Variants in ZNF462 observed in about 807,000 individuals in gnomAD.
ZNF462 encodes zinc finger PBX1-interacting protein.
A neutral mutation model predicts 201.9 loss-of-function variants in ZNF462; 10 were observed. The observed-to-expected ratio is 0.05, with a 90% CI of 0.03 to 0.08. ZNF462 has a LOEUF of 0.08. Ranked by LOEUF, ZNF462 falls within the 10% of genes least tolerant of loss-of-function variation. The pLI is 1.00. For synonymous variants in ZNF462, 1,227 were observed against 1,193.3 expected (o/e 1.03, Z -0.58); for missense variants, 2,523 against 3,168.3 (o/e 0.80, Z 4.89).
Position 106,968,288 on chromosome 9 carries a change from G to A in ZNF462, c.6428-3717G>A, listed in dbSNP as rs2131992674. On this transcript the variant is annotated intron_variant, in intron 7 of 12. Transcript: ENST00000277225. This position sits in a 1 kb window ranked among gnomAD's most constrained non-coding sequence, Gnocchi z 4.0. ...ATTAGACCGCACACCATAGTTGTGA[G>A]AATTAATTGCTGGCTTCTGAATAAA... 6.6e-6 allele frequency among the ~76,000 whole-genome samples: 1 copy of A among 152,198 alleles called. No individual in the cohort carries two copies. The highest frequency in any genetic ancestry group is 1.9e-4 in the East Asian group (1 of 5,188).
In ZNF462 at chr9:106,870,607, G is replaced by A. The variant is rs1827547060; in HGVS notation, c.-31+7252G>A. 6.6e-6 allele frequency among the ~76,000 whole-genome samples: 1 copy of A among 152,152 alleles called. No homozygotes were observed. The highest frequency in any genetic ancestry group is 2.4e-5 in the African/African-American group (1 of 41,430). ...CAAAGACCACACCAGGAAAAATGGA[G>A]AAAATTCTACTAGGAACCAATAGAT... On this transcript the variant is annotated intron_variant, in intron 1 of 12. Transcript: ENST00000277225. This position sits in a 1 kb window ranked among gnomAD's most constrained non-coding sequence, Gnocchi z 4.3.
chr9:106,935,295 T>C lies in ZNF462; in HGVS notation c.6117-208T>C, dbSNP rs1178153139. ...TATCTCTAAATCCAAAAAAAACTCT[T>C]GATCTCTTCCTTTAGCTTCCTGTCC... is the stretch of plus-strand genomic sequence containing the variant. On this transcript the variant is annotated intron_variant, in intron 5 of 12. Coordinates refer to ENST00000277225, the MANE Select transcript of ZNF462 (RefSeq NM_021224.6). The surrounding 1 kb of genome is among the most constrained non-coding windows in gnomAD (Gnocchi z 4.1). Among the ~76,000 whole-genome samples, 2 of 152,170 alleles carry C rather than the reference T, an allele frequency of 1.3e-5. No individual in the cohort carries two copies. Among genetic ancestry groups the C allele is most frequent in the African/African-American group, 4.8e-5 (2 of 41,442 alleles).
intron 11 of ZNF462, among the ~76,000 whole-genome samples, chr9:107,004,613 AT>A (rs1398345499): frequency 6.6e-6 from 1 of 152,162 alleles, no homozygotes; most frequent in Non-Finnish European, 1.5e-5. Context: ...TTTAATAAAA[AT>A]TGTATATATT....
intron 10 of ZNF462, among the ~76,000 whole-genome samples, chr9:106,991,438 A>G (rs1828261556): frequency 6.6e-6 from 1 of 152,020 alleles, no homozygotes; most frequent in African/African-American, 2.4e-5. Context: ...TTTATTAATT[A>G]GGAGACCCAA....
intron 10 of ZNF462, among the ~76,000 whole-genome samples, chr9:106,987,680 A>G (rs1226945649): frequency 6.6e-6 from 1 of 152,074 alleles, no homozygotes; most frequent in Non-Finnish European, 1.5e-5. Flanking sequence ...AGTCCCAACT[A>G]TTTATCTTTG....
chr9:106,998,757 G>A (rs983875488), intron 10 of ZNF462, among the ~76,000 whole-genome samples: 4 of 151,842 alleles, frequency 2.6e-5, no homozygotes, highest in Admixed American at 6.6e-5. Flanking sequence ...ACAGGTACCC[G>A]CCCACCACAC....
Position 106,929,899 on chromosome 9 carries a change from A to T in ZNF462, c.5847+140A>T. 7 of 742,848 alleles carry T rather than the reference A, an allele frequency of 9.4e-6. No homozygotes were observed. 46.0% of individuals were successfully genotyped at this position (742,848 alleles called of 1,614,324 possible). On this transcript the variant is annotated intron_variant, in intron 3 of 12. Transcript: ENST00000277225. The surrounding 1 kb of genome is among the most constrained non-coding windows in gnomAD (Gnocchi z 8.7). ...AGAGAGCTCAATAAGTCAATTAAAC[A>T]TTTCGAGCTTGATTATCTCCCATTC...
chr9:106,982,725 C>T (rs762610841), intron 9 of ZNF462, among the ~76,000 whole-genome samples: 6 of 152,126 alleles, frequency 3.9e-5, no homozygotes, highest in Non-Finnish European at 5.9e-5. Flanking sequence ...CTTCCTCTGC[C>T]CAGCATTTTG....
intron 10 of ZNF462, among the ~76,000 whole-genome samples, chr9:106,988,544 C>G (rs1438992805): frequency 1.3e-5 from 2 of 152,090 alleles, no homozygotes; most frequent in African/African-American, 4.8e-5. Flanking sequence ...TCCATTTGAA[C>G]TTTAGAATTG....
intron 10 of ZNF462, among the ~76,000 whole-genome samples, chr9:107,000,969 T>G (rs531410898): frequency 2.0e-5 from 3 of 152,168 alleles, no homozygotes; most frequent in Admixed American, 6.5e-5. Flanking sequence ...ATGAATGAAT[T>G]AAAACAACTG....
Position 106,925,908 on chromosome 9 carries a change from T to A in ZNF462, c.1996T>A (p.Ser666Thr). 6.2e-7 allele frequency: 1 copy of A among 1,614,164 alleles called. No homozygotes were observed. The highest frequency in any genetic ancestry group is 1.1e-5 in the South Asian group (1 of 91,078). ...AAGTCAGACCTCAATTCTTGGGTTG[T>A]CCTCCAAGAACAATTTTGTAGCTAA... ...KKSQTSILGLSSKNNFVAKAS... is the reference protein window; with the variant it reads ...KKSQTSILGLTSKNNFVAKAS... The change falls in exon 3 of 13, where the codon TCC (serine) becomes ACC (threonine). Residue 666 changes from serine (S) to threonine (T), a missense_variant. Ser to Thr is a moderately conservative substitution (Grantham distance 58). This residue lies in a region of ZNF462 where 383 missense variants were observed against 453.4 expected (regional missense o/e 0.84). Coordinates refer to ENST00000277225, the MANE Select transcript of ZNF462 (RefSeq NM_021224.6). This position sits in a 1 kb window ranked among gnomAD's most constrained non-coding sequence, Gnocchi z 7.9.
rs148844292 is a variant in ZNF462, at chr9:106,968,504, G to A, written c.6428-3501G>A. Among the ~76,000 whole-genome samples, 1 of 152,130 alleles carries A rather than the reference G, an allele frequency of 6.6e-6. No homozygotes were observed. On this transcript the variant is annotated intron_variant, in intron 7 of 12. Transcript: ENST00000277225. The surrounding 1 kb of genome is among the most constrained non-coding windows in gnomAD (Gnocchi z 4.0). ...CATATAATTAAAGTCACAAGTCAGA[G>A]AATAAAACTCTTTTCTCAGACTGTA...
chr9:106,983,650 C>T (rs891645207), intron 9 of ZNF462, among the ~76,000 whole-genome samples: 3 of 152,178 alleles, frequency 2.0e-5, no homozygotes, highest in Non-Finnish European at 2.9e-5. Context: ...TACTTAAAGA[C>T]TCTGTTGCCC....
upstream of ZNF462, among the ~76,000 whole-genome samples, chr9:106,860,242 A>C (rs565043575): frequency 1.1e-3 from 169 of 152,248 alleles, no homozygotes; most frequent in Admixed American, 2.4e-3. This position sits in a 1 kb window ranked among gnomAD's most constrained non-coding sequence, Gnocchi z 7.1. Context: ...CAGCCCGTTT[A>C]ATTGCAGCGC....
At chr9:106,862,252 C>T (rs377650076), upstream of ZNF462, among the ~76,000 whole-genome samples, 1 of 152,244 alleles carries the variant, frequency 6.6e-6, no homozygotes, top group East Asian at 1.9e-4. This position sits in a 1 kb window ranked among gnomAD's most constrained non-coding sequence, Gnocchi z 4.2. Flanking sequence ...TTTATACTTG[C>T]AACCTCCAGT....
Position 106,927,403 on chromosome 9 carries a change from A to C in ZNF462, c.3491A>C (p.Gln1164Pro), listed in dbSNP as rs1588069266. The C allele has an allele frequency of 6.2e-7, 1 of 1,613,962 alleles. No individual in the cohort carries two copies. Among genetic ancestry groups the C allele is most frequent in the Non-Finnish European group, 8.5e-7 (1 of 1,179,946 alleles). Reference sequence around the variant, plus strand: ...ATGATGAGAGGGGTCGAAGGGCCCCAAGGCTCCCCCCGGCCACCCGCCCCC... The same window carrying C: ...ATGATGAGAGGGGTCGAAGGGCCCCCAGGCTCCCCCCGGCCACCCGCCCCC... ...AAMMRGVEGP[Q>P]GSPRPPAPIQ... Residue 1164 changes from glutamine to proline, a missense_variant, in exon 3 of 13, where the codon CAA (glutamine) becomes CCA (proline). Gln to Pro is a moderately conservative substitution (Grantham distance 76). Transcript: ENST00000277225.
chr9:107,000,170 G>A (rs1262451373), intron 10 of ZNF462, among the ~76,000 whole-genome samples: 1 of 151,984 alleles, frequency 6.6e-6, no homozygotes, highest in Non-Finnish European at 1.5e-5. Context: ...GACTCCTCGA[G>A]GGCCTGACAT....
In ZNF462 at chr9:107,009,853, C is replaced by T. The variant is rs1829821034; in HGVS notation, c.7313+185C>T. ...TTCTGTTGTTTTTTAAAATGGTCAC[C>T]CAGCCGCAAGTCAAATAGGGAAAAA... On this transcript the variant is annotated intron_variant, in intron 12 of 12. Coordinates refer to ENST00000277225, the MANE Select transcript of ZNF462 (RefSeq NM_021224.6). The surrounding 1 kb of genome is among the most constrained non-coding windows in gnomAD (Gnocchi z 6.1). 6.6e-6 allele frequency among the ~76,000 whole-genome samples: 1 copy of T among 152,060 alleles called. No homozygotes were observed. The highest frequency in any genetic ancestry group is 1.5e-5 in the Non-Finnish European group (1 of 68,010).
At position 106,932,559 on chromosome 9, in the gene ZNF462, A is replaced by T; in HGVS notation, c.6116+10A>T. 4 of 1,614,196 alleles carry T rather than the reference A, an allele frequency of 2.5e-6. No individual in the cohort carries two copies. Among genetic ancestry groups the T allele is most frequent in the Non-Finnish European group, 3.4e-6 (4 of 1,180,044 alleles). On this transcript the variant is annotated intron_variant, in intron 5 of 12. Transcript: ENST00000277225. This position sits in a 1 kb window ranked among gnomAD's most constrained non-coding sequence, Gnocchi z 6.8. Reference sequence around the variant, plus strand: ...CTGCTTTCAGGCACAAGTAAGTGCTATTGGGGGGTCACTAGTGGTTACTGG... The same window carrying T: ...CTGCTTTCAGGCACAAGTAAGTGCTTTTGGGGGGTCACTAGTGGTTACTGG...
Sources: allele counts gnomAD v4.1 joint callset (sites outside exome capture counted in the v4.1 genomes callset), GRCh38; gene constraint gnomAD v4.1.1; regional missense constraint gnomAD v4.1.1; non-coding constraint Gnocchi (gnomAD v3.1); transcripts MANE v1.5; gene names NCBI Gene and HGNC (gene_info 2026-07-23, HGNC 2026-07-21).